Variants in C1QTNF7 observed in about 807,000 individuals in gnomAD.
The protein encoded by C1QTNF7 is C1q and TNF related 7.
C1QTNF7 carries 15 observed loss-of-function variants against 19.6 expected under a neutral mutation model. The observed-to-expected ratio is 0.76, with a 90% CI of 0.51 to 1.18. C1QTNF7 has a LOEUF of 1.18. Ranked by LOEUF, C1QTNF7 falls within the 50% of genes most tolerant of loss-of-function variation. C1QTNF7 has a pLI of 0.00. For synonymous variants in C1QTNF7, 142 were observed against 137.5 expected, an observed-to-expected ratio of 1.03 and a Z score of -0.23; for missense variants, 324 against 359.7, an observed-to-expected ratio of 0.90 and a Z score of 0.80.
chr4:15,424,494 C>A (rs944272901), upstream of C1QTNF7, among the ~76,000 whole-genome samples: 1 of 152,182 alleles, frequency 6.6e-6, no homozygotes, highest in Non-Finnish European at 1.5e-5. Flanking sequence ...GTGCTCCCCC[C>A]ACCAGCCTCA....
intron 1 of C1QTNF7, among the ~76,000 whole-genome samples, chr4:15,368,393 A>G (rs965366428): frequency 2.6e-5 from 4 of 151,938 alleles, no homozygotes; most frequent in Non-Finnish European, 5.9e-5. Flanking sequence ...TGCACCCATT[A>G]ACTCGTCATT....
intron 2 of C1QTNF7, among the ~76,000 whole-genome samples, 180 bp from the exon 3 acceptor site, chr4:15,441,988 T>G (rs1442862239): frequency 6.6e-6 from 1 of 151,884 alleles, no homozygotes; most frequent in Non-Finnish European, 1.5e-5. Flanking sequence ...GCCACTGCAC[T>G]CCAGCCCTGG....
upstream of C1QTNF7, among the ~76,000 whole-genome samples, chr4:15,425,790 A>T (rs894277445): frequency 1.3e-5 from 2 of 152,208 alleles, no homozygotes; most frequent in African/African-American, 4.8e-5. Context: ...TGCTCATTAC[A>T]TATCAGCTAG....
At chr4:15,406,401 T>C (rs1407653711) in intron 1 of C1QTNF7, among the ~76,000 whole-genome samples, 2 of 152,144 alleles carry the variant, frequency 1.3e-5, no homozygotes, top group East Asian at 1.9e-4. Flanking sequence ...CCCATAGTGC[T>C]ACGTATTAGA....
At chr4:15,393,977 C>A (rs76530103) in intron 1 of C1QTNF7, among the ~76,000 whole-genome samples, 2 of 151,884 alleles carry the variant, frequency 1.3e-5, no homozygotes, top group Non-Finnish European at 2.9e-5. Context: ...GAAGTAAGGG[C>A]AGAGGGGGTG....
intron 1 of C1QTNF7, among the ~76,000 whole-genome samples, chr4:15,422,210 T>TAAAAA (rs199592000): frequency 0.019 from 2,719 of 142,826 alleles, 42 homozygotes; most frequent in Non-Finnish European, 0.028. Context: ...TGTTTTTTTT[T>TAAAAA]AAAAAAAAAA....
intron 1 of C1QTNF7, among the ~76,000 whole-genome samples, chr4:15,392,010 G>A (rs988807820): frequency 6.6e-6 from 1 of 152,172 alleles, no homozygotes; most frequent in Non-Finnish European, 1.5e-5. Flanking sequence ...CAGGTCCTCA[G>A]CCTGGATTTA....
At chr4:15,430,694 C>CGT (rs1712264720) in intron 1 of C1QTNF7, among the ~76,000 whole-genome samples, 4 of 152,084 alleles carry the variant, frequency 2.6e-5, no homozygotes, top group Admixed American at 2.6e-4. Flanking sequence ...GATTTATTCC[C>CGT]AGTCAAAATA....
chr4:15,410,599 G>A (rs1390241815), intron 1 of C1QTNF7, among the ~76,000 whole-genome samples: 1 of 152,096 alleles, frequency 6.6e-6, no homozygotes, highest in Non-Finnish European at 1.5e-5. Context: ...GGTTTTCACA[G>A]TGCTGCAATA....
At chr4:15,371,432 T>A (rs948287143) in intron 1 of C1QTNF7, among the ~76,000 whole-genome samples, 26 of 152,206 alleles carry the variant, frequency 1.7e-4, no homozygotes, top group African/African-American at 2.2e-4. Context: ...AATCCTCCCT[T>A]GCTCCTCTGT....
chr4:15,397,145 C>T (rs564734682), intron 1 of C1QTNF7, among the ~76,000 whole-genome samples: 38 of 152,110 alleles, frequency 2.5e-4, no homozygotes, highest in Non-Finnish European at 5.4e-4. Context: ...TGAGGGAAAC[C>T]GCCCCCGTGA....
intron 1 of C1QTNF7, among the ~76,000 whole-genome samples, chr4:15,385,752 C>A (rs1718310789): frequency 1.3e-5 from 2 of 152,182 alleles, no homozygotes; most frequent in Admixed American, 1.3e-4. Flanking sequence ...ATTATACTAT[C>A]CCCACTCCAG....
intron 1 of C1QTNF7, among the ~76,000 whole-genome samples, chr4:15,403,175 C>T (rs1719057955): frequency 6.6e-6 from 1 of 152,152 alleles, no homozygotes; most frequent in Admixed American, 6.5e-5. Flanking sequence ...GTCGGCTCTG[C>T]TCAGAAGAAT....
intron 2 of C1QTNF7, among the ~76,000 whole-genome samples, chr4:15,440,715 G>GT (rs996144530): frequency 7.2e-5 from 11 of 151,930 alleles, no homozygotes; most frequent in South Asian, 4.2e-4. Context: ...CCAGAAGCAA[G>GT]TTTTTTTTAC....
At chr4:15,345,406 G>T (rs1716682312) in intron 1 of C1QTNF7, among the ~76,000 whole-genome samples, 1 of 152,174 alleles carries the variant, frequency 6.6e-6, no homozygotes. Flanking sequence ...GCCAGGCAGG[G>T]TGACGATTTC....
At chr4:15,377,838 A>G (rs1717999866) in intron 1 of C1QTNF7, among the ~76,000 whole-genome samples, 1 of 152,246 alleles carries the variant, frequency 6.6e-6, no homozygotes, top group Non-Finnish European at 1.5e-5. Flanking sequence ...TGTAACACAC[A>G]TAAACAACTT....
intron 1 of C1QTNF7, among the ~76,000 whole-genome samples, chr4:15,350,324 GAGGAAAGA>G (rs1197211966): frequency 5.0e-5 from 1 of 19,972 alleles, no homozygotes. Context: ...GGGAAGGAAG[GAGGAAAGA>G]AAGGAGGGAG....
intron 1 of C1QTNF7, among the ~76,000 whole-genome samples, chr4:15,388,100 T>TA (rs758184739): frequency 1.3e-5 from 2 of 152,238 alleles, no homozygotes; most frequent in East Asian, 1.9e-4. Flanking sequence ...TGGGAGATTG[T>TA]ATATCTTCTG....
intron 1 of C1QTNF7, among the ~76,000 whole-genome samples, chr4:15,387,984 G>A (rs1718404903): frequency 6.6e-6 from 1 of 152,170 alleles, no homozygotes; most frequent in Non-Finnish European, 1.5e-5. Context: ...CAGGGCACAG[G>A]TGCAAGGTTG....
Sources: allele counts gnomAD v4.1 joint callset (sites outside exome capture counted in the v4.1 genomes callset), GRCh38; gene constraint gnomAD v4.1.1; transcripts MANE v1.5; gene names NCBI Gene and HGNC (gene_info 2026-07-23, HGNC 2026-07-21).